The following CPEB1 variants were observed in gnomAD, a reference collection of about 807,000 sequenced individuals.
CPEB1 encodes the protein cytoplasmic polyadenylation element-binding protein 1.
CPEB1 carries 7 observed loss-of-function variants against 65.8 expected under a neutral mutation model. That is an observed-to-expected ratio of 0.11 (90% confidence interval 0.06 to 0.20). The LOEUF (loss-of-function observed/expected upper bound fraction) is 0.20, where lower values mean the gene tolerates loss of function less well. CPEB1 is among the 10% of genes least tolerant of loss of function. The pLI, the probability that CPEB1 is intolerant of heterozygous loss-of-function variation, is 1.00. For synonymous variants in CPEB1, 262 were observed against 260.0 expected (o/e 1.01, Z -0.08); for missense variants, 551 against 712.2 (o/e 0.77, Z 2.58).
chr15:82,568,366 C>T (rs2039482209), intron 4 of CPEB1, among the ~76,000 whole-genome samples: 1 of 152,082 alleles, frequency 6.6e-6, no homozygotes, highest in Non-Finnish European at 1.5e-5. Context: ...ACAAGGGTAG[C>T]CCTGGACATG....
At chr15:82,573,249 T>A (rs78622557) in intron 3 of CPEB1, 75 of 938,826 alleles carry the variant, frequency 8.0e-5, no homozygotes, top group Non-Finnish European at 1.0e-4. Context: ...TTTTTTTTTT[T>A]AAAGCTTTGC....
intron 3 of CPEB1, among the ~76,000 whole-genome samples, chr15:82,610,009 G>A (rs1650708717): frequency 6.8e-6 from 1 of 146,756 alleles, no homozygotes; most frequent in Admixed American, 7.0e-5. Flanking sequence ...GCGGTGAGCC[G>A]AGATCACCCC....
chr15:82,620,292 G>GC (rs1453376674), intron 3 of CPEB1, among the ~76,000 whole-genome samples: 1 of 151,678 alleles, frequency 6.6e-6, no homozygotes, highest in Non-Finnish European at 1.5e-5. Flanking sequence ...GGGTGTGGTG[G>GC]CATGTGCCTG....
intron 4 of CPEB1, among the ~76,000 whole-genome samples, chr15:82,563,958 A>G (rs1212834517): frequency 6.6e-6 from 1 of 152,200 alleles, no homozygotes; most frequent in African/African-American, 2.4e-5. Flanking sequence ...CCCAGAGGAT[A>G]AGACAGTAAT....
At chr15:82,628,695 C>T (rs1356493458) in intron 1 of CPEB1, 139 bp from the exon 2 acceptor site, 1 of 490,784 alleles carries the variant, frequency 2.0e-6, no homozygotes, top group African/African-American at 1.9e-5. Flanking sequence ...GCTCCACATC[C>T]TTCCACCTTT....
At chr15:82,628,591 A>T (rs2045969958) in intron 1 of CPEB1, 35 bp from the exon 2 acceptor site, 1 of 603,870 alleles carries the variant, frequency 1.7e-6, no homozygotes, top group Non-Finnish European at 2.9e-6. Context: ...TTGGTACCAC[A>T]TAGAAACATT....
intron 4 of CPEB1, chr15:82,562,243 C>T (rs1377957644): frequency 6.6e-6 from 3 of 454,988 alleles, no homozygotes; most frequent in Admixed American, 4.7e-5. Context: ...CCTGTAAGAC[C>T]ATCAACTACA....
chr15:82,598,367 A>G (rs2042830378), intron 3 of CPEB1, among the ~76,000 whole-genome samples: 1 of 152,004 alleles, frequency 6.6e-6, no homozygotes, highest in South Asian at 2.1e-4. Flanking sequence ...GGTGGCGCAC[A>G]CCTGTAATCC....
At chr15:82,575,538 A>C (rs1053115866) in intron 3 of CPEB1, among the ~76,000 whole-genome samples, 1 of 152,212 alleles carries the variant, frequency 6.6e-6, no homozygotes, top group African/African-American at 2.4e-5. Flanking sequence ...GCAAGCCACA[A>C]TATGTGAGAA....
chr15:82,591,288 G>A (rs1007601494), intron 3 of CPEB1, among the ~76,000 whole-genome samples: 2 of 152,160 alleles, frequency 1.3e-5, no homozygotes, highest in Non-Finnish European at 2.9e-5. Context: ...GTGACACGAA[G>A]TCTTGCTCTG....
At chr15:82,551,897 C>T (rs1459437039) in intron 9 of CPEB1, among the ~76,000 whole-genome samples, 4 of 152,082 alleles carry the variant, frequency 2.6e-5, no homozygotes. Context: ...GAGATAAACT[C>T]GTTAGAGACC....
intron 1 of CPEB1, chr15:82,638,549 G>T (rs528787706): frequency 6.6e-6 from 1 of 152,050 alleles, no homozygotes; most frequent in Non-Finnish European, 1.5e-5. Context: ...TATTTCTTAT[G>T]AAGTGACTGA....
intron 10 of CPEB1, chr15:82,548,729 G>A (rs1169010241): frequency 2.2e-6 from 1 of 455,616 alleles, no homozygotes; most frequent in Non-Finnish European, 4.4e-6. Context: ...CTCCGCTCCT[G>A]GGGCTTCTGA....
chr15:82,629,410 G>A, intron 1 of CPEB1: 1 of 984,768 alleles, frequency 1.0e-6, no homozygotes, highest in Non-Finnish European at 1.2e-6. Flanking sequence ...ACTGGCATGA[G>A]AAGATGGGTA....
chr15:82,635,352 C>T (rs931526109), intron 1 of CPEB1, among the ~76,000 whole-genome samples: 1 of 152,166 alleles, frequency 6.6e-6, no homozygotes, highest in African/African-American at 2.4e-5. Context: ...GAATGTAAGT[C>T]TTCTAGCCAA....
chr15:82,581,958 G>A (rs2041320878), intron 3 of CPEB1, among the ~76,000 whole-genome samples: 1 of 152,188 alleles, frequency 6.6e-6, no homozygotes, highest in Non-Finnish European at 1.5e-5. Flanking sequence ...AGCCAAGCTA[G>A]CTGGGTATCT....
chr15:82,607,444 C>A (rs2043725934), intron 3 of CPEB1, among the ~76,000 whole-genome samples: 1 of 151,656 alleles, frequency 6.6e-6, no homozygotes, highest in South Asian at 2.1e-4. Context: ...AAAAATTACC[C>A]AGGTGTGGTG....
chr15:82,611,388 T>C (rs773023508), intron 3 of CPEB1, among the ~76,000 whole-genome samples: 1 of 152,076 alleles, frequency 6.6e-6, no homozygotes, highest in African/African-American at 2.4e-5. Context: ...CACTGAAAAC[T>C]GTAAGAAATC....
intron 3 of CPEB1, among the ~76,000 whole-genome samples, chr15:82,591,330 C>T (rs1393451644): frequency 3.9e-5 from 6 of 152,164 alleles, no homozygotes; most frequent in African/African-American, 1.2e-4. Context: ...GGCACAATCT[C>T]GGCTCACCGC....
Sources: gnomAD v4.1 joint callset for allele counts (sites outside exome capture counted in the v4.1 genomes callset) on GRCh38, gnomAD v4.1.1 for gene constraint, MANE v1.5 for transcripts, NCBI Gene and HGNC (gene_info 2026-07-23, HGNC 2026-07-21) for gene names.